ZCWPW2: variants seen among roughly 807,000 people sequenced by gnomAD.
ZCWPW2 encodes zinc finger CW-type PWWP domain protein 2.
In ZCWPW2, 45 loss-of-function variants were observed where a neutral mutation model predicts 46.6. The observed-to-expected ratio is 0.96, with a 90% CI of 0.76 to 1.24. ZCWPW2 has a LOEUF of 1.24. Among genes scored for constraint, ZCWPW2 ranks in the 50% most tolerant of loss-of-function variants. The probability of loss-of-function intolerance (pLI) is 0.00; values close to 1 mark genes in which losing one functional copy is unlikely to be tolerated. For missense variants in ZCWPW2, 429 were observed against 403.9 expected, an observed-to-expected ratio of 1.06 and a Z score of -0.53; for synonymous variants, 152 against 137.1, an observed-to-expected ratio of 1.11 and a Z score of -0.76.
At chr3:28,486,586 G>A (rs1253880465) in intron 5 of ZCWPW2, among the ~76,000 whole-genome samples, 1 of 151,994 alleles carries the variant, frequency 6.6e-6, no homozygotes, top group Non-Finnish European at 1.5e-5. Flanking sequence ...TTGAAAAATA[G>A]TTTCACAGGC....
At position 28,431,398 on chromosome 3, in the gene ZCWPW2, A is replaced by AT. The variant is rs200040302; in HGVS notation, c.333-3702dup. On this transcript the variant is annotated intron_variant, in intron 3 of 9. Coordinates refer to ENST00000383768, the MANE Select transcript of ZCWPW2 (RefSeq NM_001040432.4). ...TGAGATTAAAGTGTCTGCAGGATTA[A>AT]TTTTTTTTTTAAGACCCTCTTCTTG... Among the ~76,000 whole-genome samples, 521 of 149,932 alleles carry AT rather than the reference A, an allele frequency of 3.5e-3. 2 individuals are homozygous for AT. Among genetic ancestry groups the AT allele is most frequent in the African/African-American group, 0.01 (428 of 40,858 alleles).
At position 28,349,169 on chromosome 3, in the gene ZCWPW2, C is replaced by T. The variant is rs1704420347; in HGVS notation, c.-168C>T. Reference sequence around the variant, plus strand: ...TCCGCGGCGGGACGGGGCGGGGCCGCGGGACGCCAGGAGGCGGAGGCGGAG... The same window carrying T: ...TCCGCGGCGGGACGGGGCGGGGCCGTGGGACGCCAGGAGGCGGAGGCGGAG... On this transcript the variant is annotated 5_prime_UTR_variant, in exon 1 of 10. Coordinates refer to ENST00000383768, the MANE Select transcript of ZCWPW2 (RefSeq NM_001040432.4). 5.1e-6 allele frequency: 5 copies of T among 985,532 alleles called. No individual in the cohort carries two copies. The highest frequency in any genetic ancestry group is 5.2e-4 in the Middle Eastern group (1 of 1,938). 61.0% of individuals were successfully genotyped at this position (985,532 alleles called of 1,614,324 possible).
chr3:28,479,689 T>C (rs1432085112), intron 5 of ZCWPW2, among the ~76,000 whole-genome samples: 2 of 152,168 alleles, frequency 1.3e-5, no homozygotes, highest in African/African-American at 2.4e-5. Flanking sequence ...TTCCACCCTC[T>C]GATAAACCCC....
chr3:28,483,903 C>T (rs1699510585), intron 5 of ZCWPW2, among the ~76,000 whole-genome samples: 1 of 152,124 alleles, frequency 6.6e-6, no homozygotes, highest in Admixed American at 6.6e-5. Context: ...GGATTTACTA[C>T]ATAGACAATC....
chr3:28,384,422 C>T (rs916309916), intron 1 of ZCWPW2, among the ~76,000 whole-genome samples: 1 of 152,072 alleles, frequency 6.6e-6, no homozygotes, highest in Non-Finnish European at 1.5e-5. Context: ...CCCTGCTTTC[C>T]TGAAGCTTTT....
At chr3:28,436,707 C>T (rs72909026) in intron 4 of ZCWPW2, among the ~76,000 whole-genome samples, 190 of 152,194 alleles carry the variant, frequency 1.2e-3, no homozygotes, top group African/African-American at 4.4e-3. Flanking sequence ...TATGGAATAA[C>T]ACCATATAAA....
chr3:28,446,232 AAGTTCACATGGGACATTTTCT>A (rs1697984886), intron 4 of ZCWPW2, among the ~76,000 whole-genome samples: 1 of 152,174 alleles, frequency 6.6e-6, no homozygotes, highest in Non-Finnish European at 1.5e-5. Context: ...CATTTTTCTC[AAGTTCACATGGGACATTTTCT>A]ACAATAGATG....
At chr3:28,360,608 A>C (rs1704904220) in intron 1 of ZCWPW2, among the ~76,000 whole-genome samples, 1 of 152,094 alleles carries the variant, frequency 6.6e-6, no homozygotes, top group South Asian at 2.1e-4. Flanking sequence ...ACCAAGGGGC[A>C]AATCTAAAAG....
Position 28,413,106 on chromosome 3 carries a change from G to A in ZCWPW2, c.38G>A (p.Cys13Tyr), listed in dbSNP as rs781599850. The A allele has an allele frequency of 3.8e-5, 62 of 1,612,206 alleles. No individual in the cohort carries two copies. The Admixed American group carries it at 1.0e-3, about 27-fold the overall frequency. ...KEKLDVKIEY[C>Y]NYAMDSSVEN... ...AAATTGGATGTTAAGATTGAATATT[G>A]TAACTATGCAATGGATTCCTCAGTG... Residue 13 changes from cysteine to tyrosine, a missense_variant, in exon 3 of 10, where the codon TGT becomes TAT. By Grantham distance (194) the Cys-to-Tyr change is radical. Transcript: ENST00000383768.
At chr3:28,388,147 A>G (rs1358902386) in intron 1 of ZCWPW2, among the ~76,000 whole-genome samples, 1 of 152,142 alleles carries the variant, frequency 6.6e-6, no homozygotes, top group African/African-American at 2.4e-5. Context: ...AAGGTCTTCA[A>G]CTGAATGGAT....
At chr3:28,480,864 CTTT>C (rs56891846) in intron 5 of ZCWPW2, among the ~76,000 whole-genome samples, 24,859 of 122,002 alleles carry the variant, frequency 0.2, 1,949 homozygotes, top group Middle Eastern at 0.26. Flanking sequence ...CATTTTTTTT[CTTT>C]TTTTTTTTTT....
At chr3:28,465,334 G>T (rs1034788802) in intron 4 of ZCWPW2, among the ~76,000 whole-genome samples, 1 of 152,176 alleles carries the variant, frequency 6.6e-6, no homozygotes, top group Non-Finnish European at 1.5e-5. Context: ...TTAGTGAGAT[G>T]CTGAGTCTTT....
intron 4 of ZCWPW2, chr3:28,460,976 A>T: frequency 3.8e-6 from 1 of 265,344 alleles, no homozygotes; most frequent in South Asian, 3.5e-5. Flanking sequence ...AGATTATGAG[A>T]TCTATGACTT....
intron 6 of ZCWPW2, among the ~76,000 whole-genome samples, chr3:28,501,953 G>A (rs1023810565): frequency 6.6e-6 from 1 of 151,840 alleles, no homozygotes; most frequent in Non-Finnish European, 1.5e-5. Flanking sequence ...GTACTCCTGG[G>A]CTCAAATAAT....
chr3:28,387,478 C>T (rs6771460), intron 1 of ZCWPW2, among the ~76,000 whole-genome samples: 44,496 of 152,018 alleles, frequency 0.29, 6,778 homozygotes, highest in African/African-American at 0.33. Flanking sequence ...GACAGTTACA[C>T]TTTAAAAATT....
chr3:28,451,486 G>A (rs1191338702), intron 4 of ZCWPW2, among the ~76,000 whole-genome samples: 2 of 152,164 alleles, frequency 1.3e-5, no homozygotes, highest in African/African-American at 2.4e-5. Context: ...TACCTACAAT[G>A]AGGAAATTTT....
intron 1 of ZCWPW2, among the ~76,000 whole-genome samples, chr3:28,377,597 A>T (rs994827147): frequency 6.6e-6 from 1 of 152,102 alleles, no homozygotes; most frequent in Non-Finnish European, 1.5e-5. Flanking sequence ...CCATGACAAT[A>T]TAACTTAAAT....
chr3:28,465,734 A>G (rs1479761683), intron 4 of ZCWPW2, among the ~76,000 whole-genome samples: 2 of 152,068 alleles, frequency 1.3e-5, no homozygotes, highest in Admixed American at 6.6e-5. Context: ...TACCTGTAAA[A>G]CCCAAGGAAC....
chr3:28,360,088 G>A lies in ZCWPW2; in HGVS notation c.-134+10885G>A, dbSNP rs143839185. ...TCATTGTGTACTGATTATAAGAGATGCATGGGAAAGAGTGAAGGAACAGAA... is the reference window on the plus strand; with the variant it reads ...TCATTGTGTACTGATTATAAGAGATACATGGGAAAGAGTGAAGGAACAGAA... On this transcript the variant is annotated intron_variant, in intron 1 of 9. Transcript: ENST00000383768. Among the ~76,000 whole-genome samples, 386 of 152,148 alleles carry A rather than the reference G, an allele frequency of 2.5e-3. 1 individual carries two copies. The highest frequency in any genetic ancestry group is 8.4e-3 in the African/African-American group (350 of 41,516).
Sources: gnomAD v4.1 joint callset for allele counts (sites outside exome capture counted in the v4.1 genomes callset) on GRCh38, gnomAD v4.1.1 for gene constraint, MANE v1.5 for transcripts, NCBI Gene and HGNC (gene_info 2026-07-23, HGNC 2026-07-21) for gene names.